Variants in ACTN3 observed in about 807,000 individuals in gnomAD.
ACTN3 encodes the protein alpha-actinin-3.
A neutral mutation model predicts 119.6 loss-of-function variants in ACTN3; 91 were observed. That is an observed-to-expected ratio of 0.76 (90% CI 0.64 to 0.91). ACTN3 has a LOEUF of 0.91. ACTN3 is among the 40% of genes least tolerant of loss of function. The pLI, the probability that ACTN3 is intolerant of heterozygous loss-of-function variation, is 0.00. For synonymous variants in ACTN3, 456 were observed against 478.8 expected (o/e 0.95, Z 0.62); for missense variants, 1,221 against 1,215.1 (o/e 1.00, Z -0.07).
intron 3 of ACTN3, among the ~76,000 whole-genome samples, chr11:66,552,774 T>G (rs1277840636): frequency 6.6e-6 from 1 of 151,484 alleles, no homozygotes; most frequent in African/African-American, 2.4e-5. Context: ...GGAGAATCCC[T>G]TGACCCTGGG....
intron 7 of ACTN3, 35 bp from the exon 8 acceptor site, chr11:66,556,110 C>G: frequency 5.1e-6 from 8 of 1,580,398 alleles, no homozygotes; most frequent in Non-Finnish European, 6.9e-6. Context: ...GGACCCCTGG[C>G]TTTGGCCAGT....
chr11:66,557,850 T>C lies in ACTN3; in HGVS notation c.1049T>C (p.Ile350Thr), dbSNP rs1565307055. Residue 350 changes from isoleucine to threonine, a missense_variant, in exon 10 of 21, where the codon ATC becomes ACC. Ile to Thr is a moderately conservative substitution (Grantham distance 89, BLOSUM62 -1). Coordinates refer to ENST00000513398, the MANE Select transcript of ACTN3 (RefSeq NM_001104.4). ...PRIQEKCQLE[I>T]NFNTLQTKLR... ...ATTCAGGAAAAGTGCCAGCTGGAGA[T>C]CAACTTCAACACACTGCAGACCAAG... 1 of 1,614,080 alleles carries C rather than the reference T, an allele frequency of 6.2e-7. No homozygotes were observed. The highest frequency in any genetic ancestry group is 1.3e-5 in the African/African-American group (1 of 75,028).
chr11:66,557,102 A>C, intron 8 of ACTN3, 31 bp from the exon 9 acceptor site: 1 of 1,546,328 alleles, frequency 6.5e-7, no homozygotes, highest in Non-Finnish European at 8.7e-7. Flanking sequence ...AATTTGCTTT[A>C]ATGCCAGCCT....
At chr11:66,562,712 G>C in intron 19 of ACTN3, 84 bp from the exon 20 acceptor site, 1 of 1,455,168 alleles carries the variant, frequency 6.9e-7, no homozygotes, top group Non-Finnish European at 9.3e-7. Context: ...GCTAGCTGAG[G>C]TTGGACAGTC....
intron 1 of ACTN3, 29 bp from the exon 2 acceptor site, chr11:66,551,210 A>G: frequency 6.5e-7 from 1 of 1,527,574 alleles, no homozygotes; most frequent in Middle Eastern, 1.7e-4. Context: ...AGCCAGTCGT[A>G]GGGTTTGAGT....
At chr11:66,559,146 T>C in intron 11 of ACTN3, 90 bp from the exon 12 acceptor site, 1 of 1,356,500 alleles carries the variant, frequency 7.4e-7, no homozygotes, top group Non-Finnish European at 9.7e-7. Flanking sequence ...ATCGCCACCT[T>C]AGCAGATGAG....
At chr11:66,550,306 G>A (rs914281726) in intron 1 of ACTN3, among the ~76,000 whole-genome samples, 2 of 152,204 alleles carry the variant, frequency 1.3e-5, no homozygotes, top group South Asian at 4.1e-4. Flanking sequence ...GCAGAATTCA[G>A]GACCTGAAGG....
chr11:66,555,475 C>T, intron 7 of ACTN3, 108 bp downstream of exon 7: 1 of 1,084,210 alleles, frequency 9.2e-7, no homozygotes, highest in Non-Finnish European at 1.4e-6. Flanking sequence ...GCTCCGACCA[C>T]CCCCACCCCA....
chr11:66,557,579 A>C, intron 9 of ACTN3, 120 bp from the exon 10 acceptor site: 1 of 1,020,746 alleles, frequency 9.8e-7, no homozygotes, highest in Non-Finnish European at 1.4e-6. Context: ...CTGCTTTCGT[A>C]GTTGTCAAAG....
In ACTN3 at chr11:66,562,938, T is replaced by C; in HGVS notation, c.2531T>C (p.Ile844Thr). Reference protein sequence around the residue: ...TTEQVVASFKILAGDKNYITP... With the variant: ...TTEQVVASFKTLAGDKNYITP... ...GAGCAAGTTGTAGCTTCCTTCAAGA[T>C]CTTGGCAGGAGACAAGGTGAGTCCC... is the stretch of plus-strand genomic sequence containing the variant. Residue 844 changes from isoleucine to threonine, a missense_variant, in exon 20 of 21, where the codon ATC (isoleucine) becomes ACC (threonine). Around this residue, in one of 3 missense-constraint regions of ACTN3, gnomAD observed 934 missense variants for 899.9 expected, o/e 1.04. Coordinates refer to ENST00000513398, the MANE Select transcript of ACTN3 (RefSeq NM_001104.4). The C allele has an allele frequency of 6.2e-7, 1 of 1,613,258 alleles. No homozygotes were observed. The highest frequency in any genetic ancestry group is 8.5e-7 in the Non-Finnish European group (1 of 1,179,484).
Position 66,563,151 on chromosome 11 carries a change from C to G in ACTN3, c.2664C>G (p.Tyr888Ter), listed in dbSNP as rs79516407. Residue 888 changes from tyrosine to a stop codon, truncating the protein, a stop_gained, in exon 21 of 21, where the codon TAC becomes TAG. Coordinates refer to ENST00000513398, the MANE Select transcript of ACTN3 (RefSeq NM_001104.4). LOFTEE classifies it high-confidence loss of function. ...GGGCCCCGGCTGGAGCCCTGGACTA[C>G]GTGGCCTTCTCCAGTGCCCTCTATG... Reference protein sequence around the residue: ...GSGAPAGALDYVAFSSALYGE... With the variant: ...GSGAPAGALD 6.2e-7 allele frequency: 1 copy of G among 1,613,058 alleles called. No individual in the cohort carries two copies.
At chr11:66,548,517 C>G (rs1382417586) in intron 1 of ACTN3, among the ~76,000 whole-genome samples, 1 of 152,226 alleles carries the variant, frequency 6.6e-6, no homozygotes, top group South Asian at 2.1e-4. Flanking sequence ...CATTCAATGG[C>G]TGGCACAGCA....
chr11:66,546,432 C>T (rs1857340116), upstream of ACTN3: 1 of 1,104,876 alleles, frequency 9.1e-7, no homozygotes, highest in African/African-American at 1.6e-5. Flanking sequence ...GGCTCAGAGC[C>T]GTTCCCCATG....
chr11:66,559,296 C>T lies in ACTN3; in HGVS notation c.1337C>T (p.Ala446Val), dbSNP rs1857680771. 2 of 1,574,144 alleles carry T rather than the reference C, an allele frequency of 1.3e-6. No individual in the cohort carries two copies. Among genetic ancestry groups the T allele is most frequent in the East Asian group, 2.5e-5 (1 of 39,864 alleles). The change falls in exon 12 of 21, where the codon GCG becomes GTG. Residue 446 changes from alanine (A) to valine (V), a missense_variant. Physicochemically the swap from Ala to Val is moderately conservative, Grantham distance 64. Transcript: ENST00000513398. ...TCGGCTTTGCTACAGGAGGTGCGGGCGTTGCTGCGGCGCCACGAGGCCTTT... is the reference window on the plus strand; with the variant it reads ...TCGGCTTTGCTACAGGAGGTGCGGGTGTTGCTGCGGCGCCACGAGGCCTTT... The part of the protein sequence containing the change: ...YDSALLQEVR[A>V]LLRRHEAFES...
chr11:66,561,305 C>A lies in ACTN3; in HGVS notation c.1939C>A (p.Arg647=). ...ARQQVNERLR[R]QFAAQANAIG... Reference sequence around the variant, plus strand: ...GCAGCAGGTAAACGAGAGGCTCCGGCGACAGTTTGCGGCCCAGGCCAATGC... The same window carrying A: ...GCAGCAGGTAAACGAGAGGCTCCGGAGACAGTTTGCGGCCCAGGCCAATGC... Residue 647 remains arginine (R), a synonymous_variant, in exon 16 of 21, where the codon CGA becomes AGA. Coordinates refer to ENST00000513398, the MANE Select transcript of ACTN3 (RefSeq NM_001104.4). 1 of 1,610,294 alleles carries A rather than the reference C, an allele frequency of 6.2e-7. No homozygotes were observed. Among genetic ancestry groups the A allele is most frequent in the Non-Finnish European group, 8.5e-7 (1 of 1,178,874 alleles).
chr11:66,562,982 T>C, intron 20 of ACTN3, 28 bp downstream of exon 20: 1 of 1,609,786 alleles, frequency 6.2e-7, no homozygotes, highest in Non-Finnish European at 8.5e-7. Flanking sequence ...GAGGGGCTGG[T>C]GGGCTAGGGC....
chr11:66,562,426 C>T (rs1019458164), intron 19 of ACTN3, 104 bp downstream of exon 19: 38 of 1,286,288 alleles, frequency 3.0e-5, no homozygotes, highest in Non-Finnish European at 3.9e-5. Context: ...TCCCCTGCAT[C>T]TTCACTACAT....
intron 11 of ACTN3, 159 bp downstream of exon 11, chr11:66,558,333 G>A (rs1241180052): frequency 1.5e-5 from 9 of 616,810 alleles, no homozygotes; most frequent in Non-Finnish European, 1.8e-5. Flanking sequence ...ACTTGCTGTG[G>A]TGCAACCTAG....
At position 66,560,201 on chromosome 11, in the gene ACTN3, C is replaced by A; in HGVS notation, c.1567C>A (p.Arg523=). 2 of 1,609,852 alleles carry A rather than the reference C, an allele frequency of 1.2e-6. No individual in the cohort carries two copies. Among genetic ancestry groups the A allele is most frequent in the Non-Finnish European group, 8.5e-7 (1 of 1,178,238 alleles). Residue 523 remains arginine, a synonymous_variant, in exon 14 of 21, where the codon CGG becomes AGG. Coordinates refer to ENST00000513398, the MANE Select transcript of ACTN3 (RefSeq NM_001104.4). The part of the protein sequence containing the change: ...RMEKLLETID[R]LQLEFARRAA... The stretch of plus-strand genomic sequence containing the variant: ...GGAGAAGCTCCTGGAGACCATTGAC[C>A]GGCTGCAACTGGAGTTTGCCCGGCG...
Sources: gnomAD v4.1 joint callset for allele counts (sites outside exome capture counted in the v4.1 genomes callset) on GRCh38, gnomAD v4.1.1 for gene constraint, gnomAD v4.1.1 regional missense constraint, MANE v1.5 for transcripts, NCBI Gene and HGNC (gene_info 2026-07-23, HGNC 2026-07-21) for gene names.